DCC: variants seen among roughly 807,000 people sequenced by gnomAD.
DCC encodes the protein DCC netrin 1 receptor.
In DCC, 58 loss-of-function variants were observed where a neutral mutation model predicts 172.5. That is an observed-to-expected ratio of 0.34 (90% CI 0.27 to 0.42). DCC has a LOEUF of 0.42. Ranked by LOEUF, DCC falls within the 10% of genes least tolerant of loss-of-function variation. The pLI is 1.00. For synonymous variants in DCC, 709 were observed against 644.5 expected, an observed-to-expected ratio of 1.10 and a Z score of -1.52; for missense variants, 1,740 against 1,791.0, an observed-to-expected ratio of 0.97 and a Z score of 0.51.
chr18:52,414,843 G>A (rs1333576653), intron 1 of DCC, among the ~76,000 whole-genome samples: 1 of 152,210 alleles, frequency 6.6e-6, no homozygotes, highest in Non-Finnish European at 1.5e-5. Context: ...CATTTAATTG[G>A]TTTATGCTTC....
intron 2 of DCC, among the ~76,000 whole-genome samples, chr18:52,856,112 T>C (rs182700532): frequency 7.2e-5 from 11 of 152,090 alleles, no homozygotes; most frequent in Non-Finnish European, 1.3e-4. Flanking sequence ...TGAATAAAGG[T>C]GATTATGATT....
At chr18:52,768,490 C>T (rs577907658) in intron 2 of DCC, among the ~76,000 whole-genome samples, 1 of 152,256 alleles carries the variant, frequency 6.6e-6, no homozygotes, top group Non-Finnish European at 1.5e-5. Context: ...TGCTATGCTG[C>T]CCTCAACATT....
At chr18:53,349,025 A>G (rs1179863028) in intron 15 of DCC, among the ~76,000 whole-genome samples, 2 of 152,210 alleles carry the variant, frequency 1.3e-5, no homozygotes, top group Non-Finnish European at 2.9e-5. Context: ...TCTCCTCAGA[A>G]AAATCGGATT....
At chr18:52,881,668 G>A (rs1156743633) in intron 2 of DCC, among the ~76,000 whole-genome samples, 2 of 152,012 alleles carry the variant, frequency 1.3e-5, no homozygotes, top group Non-Finnish European at 2.9e-5. Flanking sequence ...TATGTGTCTG[G>A]ATTTATGCCA....
chr18:53,343,265 T>A (rs1051696113), intron 15 of DCC, among the ~76,000 whole-genome samples: 2 of 151,978 alleles, frequency 1.3e-5, no homozygotes, highest in South Asian at 2.1e-4. Context: ...GAGAAAAAAA[T>A]TTAGTCTTTA....
chr18:52,468,528 T>C (rs948408468), intron 1 of DCC, among the ~76,000 whole-genome samples: 5 of 152,210 alleles, frequency 3.3e-5, no homozygotes, highest in African/African-American at 1.2e-4. Context: ...TGGTAGCATT[T>C]GTTTCTCATT....
At chr18:53,441,200 G>C (rs993318192) in intron 22 of DCC, among the ~76,000 whole-genome samples, 3 of 152,120 alleles carry the variant, frequency 2.0e-5, no homozygotes, top group African/African-American at 7.2e-5. Flanking sequence ...CTCTTGAGAA[G>C]CTCTGAGAAA....
intron 5 of DCC, among the ~76,000 whole-genome samples, chr18:53,021,709 T>C (rs1568250168): frequency 6.6e-6 from 1 of 152,238 alleles, no homozygotes; most frequent in Non-Finnish European, 1.5e-5. Flanking sequence ...CAGACCATGC[T>C]CTTGCAGATG....
At chr18:53,238,463 A>T (rs79350576) in intron 12 of DCC, among the ~76,000 whole-genome samples, 2,583 of 152,226 alleles carry the variant, frequency 0.017, 78 homozygotes, top group African/African-American at 0.059. Context: ...TTCCATTTTC[A>T]TTTAAGATGA....
chr18:52,860,975 C>T (rs2039133523), intron 2 of DCC, among the ~76,000 whole-genome samples: 1 of 143,168 alleles, frequency 7.0e-6, no homozygotes, highest in African/African-American at 2.6e-5. Context: ...CACTGCACTC[C>T]AGCCTGGATG....
At chr18:52,880,117 G>A (rs1475075973) in intron 2 of DCC, among the ~76,000 whole-genome samples, 1 of 150,818 alleles carries the variant, frequency 6.6e-6, no homozygotes, top group African/African-American at 2.4e-5. Context: ...CAAATACTAG[G>A]TCTTATTCAT....
intron 21 of DCC, among the ~76,000 whole-genome samples, chr18:53,422,453 G>T (rs1273136780): frequency 6.6e-6 from 1 of 152,112 alleles, no homozygotes; most frequent in Admixed American, 6.6e-5. Flanking sequence ...CCTAACTGGA[G>T]AATCTCTGCT....
chr18:53,012,915 A>T (rs140144717), intron 5 of DCC, among the ~76,000 whole-genome samples: 58 of 152,286 alleles, frequency 3.8e-4, no homozygotes, highest in Middle Eastern at 3.4e-3. Context: ...TGGGCAAAGG[A>T]TATGAACAGA....
Position 52,868,053 on chromosome 18 carries a change from A to ATATATG in DCC, c.413-37990_413-37989insATATGT, listed in dbSNP as rs61579666. ...TGTGTGTATATATATATATATATAT[A>ATATATG]TGTGTGTGTGTGTGTGTGTGTGTGT... On this transcript the variant is annotated intron_variant, in intron 2 of 28. Transcript: ENST00000442544. Among the ~76,000 whole-genome samples the ATATATG allele has an allele frequency of 3.1e-3, 446 of 144,316 alleles. 1 individual carries two copies. Among genetic ancestry groups the ATATATG allele is most frequent in the African/African-American group, 5.2e-3 (200 of 38,412 alleles). 94.7% of individuals were successfully genotyped at this position (144,316 alleles called of 152,430 possible).
chr18:52,793,160 G>A (rs79462033), intron 2 of DCC, among the ~76,000 whole-genome samples: 6,203 of 152,250 alleles, frequency 0.041, 213 homozygotes, highest in South Asian at 0.16. Context: ...TGTTTACATA[G>A]CCCATGGGGA....
At chr18:52,854,245 T>C (rs1451982433) in intron 2 of DCC, among the ~76,000 whole-genome samples, 5 of 152,156 alleles carry the variant, frequency 3.3e-5, no homozygotes, top group Non-Finnish European at 7.4e-5. Context: ...AAGTATAACC[T>C]CTCATTTATT....
intron 1 of DCC, among the ~76,000 whole-genome samples, chr18:52,392,702 T>C (rs946798793): frequency 2.6e-5 from 4 of 152,088 alleles, no homozygotes; most frequent in African/African-American, 9.7e-5. Context: ...GCTCCACTTA[T>C]GGGTGGTACA....
intron 5 of DCC, among the ~76,000 whole-genome samples, chr18:52,945,583 A>G (rs1225339780): frequency 1.3e-5 from 2 of 152,210 alleles, no homozygotes; most frequent in Non-Finnish European, 2.9e-5. Context: ...AATGCCCCTA[A>G]ATGCCTTTAA....
chr18:53,159,479 C>A (rs1469073240), intron 8 of DCC, among the ~76,000 whole-genome samples: 2 of 152,160 alleles, frequency 1.3e-5, no homozygotes, highest in East Asian at 3.8e-4. Flanking sequence ...TCGCTCCTCA[C>A]CTGCCAATCC....
Sources: allele counts gnomAD v4.1 joint callset (sites outside exome capture counted in the v4.1 genomes callset), GRCh38; gene constraint gnomAD v4.1.1; transcripts MANE v1.5; gene names NCBI Gene and HGNC (gene_info 2026-07-23, HGNC 2026-07-21).